The following CFAP61 variants were observed in gnomAD, a reference collection of about 807,000 sequenced individuals.
CFAP61 encodes cilia and flagella associated protein 61, also known as cilia- and flagella-associated protein 61.
Under a neutral mutation model 135.6 loss-of-function variants are expected in CFAP61, and 107 were observed. That is an observed-to-expected ratio of 0.79 (90% CI 0.67 to 0.93). The LOEUF (loss-of-function observed/expected upper bound fraction) is 0.93, where lower values mean the gene tolerates loss of function less well. Ranked by LOEUF, CFAP61 falls within the 40% of genes least tolerant of loss-of-function variation. CFAP61 has a pLI of 0.00. For missense variants in CFAP61, 1,507 were observed against 1,556.2 expected, an observed-to-expected ratio of 0.97 and a Z score of 0.53; for synonymous variants, 575 against 578.5, an observed-to-expected ratio of 0.99 and a Z score of 0.09.
At chr20:20,358,245 C>G (rs1424265812) in intron 26 of CFAP61, among the ~76,000 whole-genome samples, 1 of 135,470 alleles carries the variant, frequency 7.4e-6, no homozygotes, top group Non-Finnish European at 1.6e-5. Flanking sequence ...GGGAAGTGGT[C>G]ACACTGAGGG....
At position 20,226,722 on chromosome 20, in the gene CFAP61, A is replaced by G. The variant is rs1468583837; in HGVS notation, c.1933-1527A>G. On this transcript the variant is annotated intron_variant, in intron 17 of 26. Coordinates refer to ENST00000245957, the MANE Select transcript of CFAP61 (RefSeq NM_015585.4). ...AAAACAAGAAGGCTTCTCTTCTTCAACTATCATGCAAAAGTCCTGGGCTTC... is the reference window on the plus strand; with the variant it reads ...AAAACAAGAAGGCTTCTCTTCTTCAGCTATCATGCAAAAGTCCTGGGCTTC... Among the ~76,000 whole-genome samples, 6 of 152,194 alleles carry G rather than the reference A, an allele frequency of 3.9e-5. 1 individual carries two copies. Among genetic ancestry groups the G allele is most frequent in the Admixed American group, 3.9e-4 (6 of 15,282 alleles).
intron 21 of CFAP61, among the ~76,000 whole-genome samples, chr20:20,268,363 G>A (rs1300147049): frequency 6.6e-6 from 1 of 152,182 alleles, no homozygotes; most frequent in Non-Finnish European, 1.5e-5. Context: ...TTCTAGAACA[G>A]TGGATATTGG....
At position 20,329,218 on chromosome 20, in the gene CFAP61, C is replaced by A. The variant is rs188988566; in HGVS notation, c.3423-12613C>A. 3.6e-3 allele frequency among the ~76,000 whole-genome samples: 543 copies of A among 152,280 alleles called. 10 individuals are homozygous for A. The highest frequency in any genetic ancestry group is 0.03 in the Admixed American group (460 of 15,298). On this transcript the variant is annotated intron_variant, in intron 25 of 26. Transcript: ENST00000245957. ...CTTGTCATCTCTTCCTTGAACCAAA[C>A]CTGTCTCTTGGGGCCCTTATCCAGC...
intron 6 of CFAP61, among the ~76,000 whole-genome samples, chr20:20,081,236 G>C (rs975599282): frequency 6.6e-6 from 1 of 152,166 alleles, no homozygotes; most frequent in Admixed American, 6.5e-5. Flanking sequence ...TTGGGCAGGG[G>C]ATAGATATGA....
intron 26 of CFAP61, among the ~76,000 whole-genome samples, chr20:20,347,932 C>CAAAAAAAAAAAAAAAAAAAA (rs139136148): frequency 1.3e-5 from 1 of 75,226 alleles, no homozygotes; most frequent in Non-Finnish European, 2.6e-5. Flanking sequence ...GACGCCATCT[C>CAAAAAAAAAAAAAAAAAAAA]AAAAAAAAAA....
At chr20:20,212,286 C>G (rs760962672) in intron 17 of CFAP61, among the ~76,000 whole-genome samples, 1 of 152,206 alleles carries the variant, frequency 6.6e-6, no homozygotes, top group Non-Finnish European at 1.5e-5. Flanking sequence ...GACTCTCTCT[C>G]TCTGTCCCTC....
At position 20,322,328 on chromosome 20, in the gene CFAP61, C is replaced by T. The variant is rs1032128997; in HGVS notation, c.3423-19503C>T. Among the ~76,000 whole-genome samples the T allele has an allele frequency of 3.9e-5, 6 of 152,164 alleles. No homozygotes were observed. In the South Asian group the frequency reaches 1.0e-3, roughly 26 times the overall value. On this transcript the variant is annotated intron_variant, in intron 25 of 26. Coordinates refer to ENST00000245957, the MANE Select transcript of CFAP61 (RefSeq NM_015585.4). ...TAACTGAAATGCTCGGATCAAATGA[C>T]GTTCCCTGTTTCCTGACATGAAGTC...
intron 8 of CFAP61, among the ~76,000 whole-genome samples, chr20:20,114,694 T>C (rs1323583190): frequency 6.6e-6 from 1 of 152,210 alleles, no homozygotes; most frequent in East Asian, 1.9e-4. Context: ...TGTATTTCTC[T>C]ATATAATGTA....
intron 9 of CFAP61, among the ~76,000 whole-genome samples, chr20:20,151,119 G>C (rs549991421): frequency 6.6e-6 from 1 of 151,918 alleles, no homozygotes; most frequent in East Asian, 1.9e-4. Flanking sequence ...AGATACCAGA[G>C]AAAGGTGAAA....
At chr20:20,067,305 G>A (rs543520086) in intron 2 of CFAP61, among the ~76,000 whole-genome samples, 6 of 152,156 alleles carry the variant, frequency 3.9e-5, no homozygotes, top group East Asian at 1.9e-4. Context: ...CTTCTCAGCC[G>A]GGCGTGGTAG....
At chr20:20,057,033 G>A (rs1411379033) in intron 2 of CFAP61, among the ~76,000 whole-genome samples, 2 of 150,372 alleles carry the variant, frequency 1.3e-5, no homozygotes, top group Non-Finnish European at 2.9e-5. Context: ...CATGAGAATC[G>A]CTTGAACACA....
At chr20:20,195,692 C>G (rs1299445221) in intron 15 of CFAP61, among the ~76,000 whole-genome samples, 2 of 152,194 alleles carry the variant, frequency 1.3e-5, no homozygotes, top group East Asian at 3.9e-4. Flanking sequence ...AAATATTACA[C>G]ATCAAGGGGG....
At chr20:20,300,181 C>A (rs1230261920) in intron 25 of CFAP61, among the ~76,000 whole-genome samples, 1 of 152,164 alleles carries the variant, frequency 6.6e-6, no homozygotes, top group African/African-American at 2.4e-5. Context: ...ACAGTTATGT[C>A]CAGTGCAGAA....
Position 20,277,192 on chromosome 20 carries a change from A to G in CFAP61, c.2530A>G (p.Ile844Val), listed in dbSNP as rs777887107. The stretch of plus-strand genomic sequence containing the variant: ...GAATATCATTGTCTATGGGAATACA[A>G]TTGATACTTACACCACCGTGGAGAC... ...EGNIIVYGNT[I>V]DTYTTVETLL... The change falls in exon 22 of 27, where the codon ATT becomes GTT. Residue 844 changes from isoleucine (I) to valine (V), a missense_variant. Ile to Val is a conservative substitution (Grantham distance 29). Coordinates refer to ENST00000245957, the MANE Select transcript of CFAP61 (RefSeq NM_015585.4). 8 of 1,612,720 alleles carry G rather than the reference A, an allele frequency of 5.0e-6. No individual in the cohort carries two copies. In the East Asian group the frequency reaches 6.7e-5, roughly 13 times the overall value.
rs2045899173 is a variant in CFAP61 at position 20,074,074 on chromosome 20, C to T, written c.295-228C>T. ...CGGGTGCTCTGGACTCATTTACAGT[C>T]CCTGTTTCCTTAAATAATTGTGAGT... On this transcript the variant is annotated intron_variant, in intron 3 of 26. Coordinates refer to ENST00000245957, the MANE Select transcript of CFAP61 (RefSeq NM_015585.4). 2.5e-5 allele frequency: 14 copies of T among 565,394 alleles called. No homozygotes were observed. In the East Asian group the frequency reaches 4.2e-4, roughly 17 times the overall value. 35.0% of individuals were successfully genotyped at this position (565,394 alleles called of 1,614,324 possible). A position where few individuals can be genotyped will look rare whatever the true frequency, so the allele number is the denominator to read the frequency against.
intron 9 of CFAP61, among the ~76,000 whole-genome samples, chr20:20,150,085 G>T (rs2052268150): frequency 6.6e-6 from 1 of 152,140 alleles, no homozygotes; most frequent in Non-Finnish European, 1.5e-5. Context: ...TGGGAGTGGG[G>T]TGAAACCTAT....
At chr20:20,313,596 A>G (rs1190712851) in intron 25 of CFAP61, among the ~76,000 whole-genome samples, 1 of 152,228 alleles carries the variant, frequency 6.6e-6, no homozygotes, top group Admixed American at 6.5e-5. Context: ...TTCTAACATT[A>G]TACCAGCCTT....
At chr20:20,140,341 A>T (rs1203651138) in intron 8 of CFAP61, among the ~76,000 whole-genome samples, 8 of 47,362 alleles carry the variant, frequency 1.7e-4, no homozygotes, top group South Asian at 9.0e-4. Flanking sequence ...TATCCCTCCC[A>T]CCTCCCCCCA....
chr20:20,302,721 T>C (rs920842734), intron 25 of CFAP61, among the ~76,000 whole-genome samples: 6 of 152,206 alleles, frequency 3.9e-5, no homozygotes, highest in Admixed American at 3.9e-4. Flanking sequence ...GCCCCATTCT[T>C]AATTTGAAAG....
Sources: allele counts gnomAD v4.1 joint callset (sites outside exome capture counted in the v4.1 genomes callset), GRCh38; gene constraint gnomAD v4.1.1; transcripts MANE v1.5; gene names NCBI Gene and HGNC (gene_info 2026-07-23, HGNC 2026-07-21).